Variants in ADAMTS10 observed in about 807,000 individuals in gnomAD.
ADAMTS10 encodes the protein A disintegrin and metalloproteinase with thrombospondin motifs 10.
A neutral mutation model predicts 135.9 loss-of-function variants in ADAMTS10; 48 were observed. The ratio of observed to expected loss-of-function variants is 0.35; its 90% CI spans 0.28 to 0.45. The LOEUF is 0.45. ADAMTS10 is among the 20% of genes least tolerant of loss of function. The pLI, the probability that ADAMTS10 is intolerant of heterozygous loss-of-function variation, is 1.00. For missense variants in ADAMTS10, 1,131 were observed against 1,565.2 expected (o/e 0.72, Z 4.68); for synonymous variants, 621 against 647.5 (o/e 0.96, Z 0.62).
rs2042667542 is a variant in ADAMTS10 at position 8,601,331 on chromosome 19, G to C, written c.593-186C>G. Among the ~76,000 whole-genome samples the C allele has an allele frequency of 6.6e-6, 1 of 151,940 alleles. No individual in the cohort carries two copies. The highest frequency in any genetic ancestry group is 2.4e-5 in the African/African-American group (1 of 41,348). ...TGTGTGATGGTCTGTCTGCCCAATG[G>C]GCTGCCAAACACCTCATCGTTTTTC... On this transcript the variant is annotated intron_variant, in intron 5 of 25. Transcript: ENST00000597188. The surrounding 1 kb of genome is among the most constrained non-coding windows in gnomAD (Gnocchi z 4.6).
chr19:8,600,987 T>G lies in ADAMTS10; in HGVS notation c.751A>C (p.Met251Leu). ...VETLVVADKM[M>L]VAYHGRRDVE... ...TCCCGGCGCCCGTGATAGGCCACCA[T>G]CATCTTGTCAGCCACCACCAGGGTC... The change falls in exon 6 of 26, where the codon ATG becomes CTG. Residue 251 changes from methionine to leucine, a missense_variant. Around this residue, in one of 3 missense-constraint regions of ADAMTS10, gnomAD observed 80 missense variants for 164.4 expected, o/e 0.49. Coordinates refer to ENST00000597188, the MANE Select transcript of ADAMTS10 (RefSeq NM_030957.4). 1 of 1,614,154 alleles carries G rather than the reference T, an allele frequency of 6.2e-7. No homozygotes were observed. Among genetic ancestry groups the G allele is most frequent in the Middle Eastern group, 1.6e-4 (1 of 6,062 alleles).
intron 1 of ADAMTS10, among the ~76,000 whole-genome samples, chr19:8,610,229 G>C (rs12462074): frequency 0.87 from 131,593 of 151,652 alleles, 57,483 homozygotes; most frequent in East Asian, 0.93. Flanking sequence ...ACTCATCACG[G>C]TCAGAGACAA....
At position 8,595,751 on chromosome 19, in the gene ADAMTS10, A is replaced by C. The variant is rs782144987; in HGVS notation, c.1479+11T>G. On this transcript the variant is annotated intron_variant, in intron 12 of 25. Coordinates refer to ENST00000597188, the MANE Select transcript of ADAMTS10 (RefSeq NM_030957.4). ...CCCTCCCAGGAAGGAAAGCAGGAAG[A>C]CTCTCTCTACCCCGTATTTACACTG... The C allele has an allele frequency of 6.3e-7, 1 of 1,579,244 alleles. No homozygotes were observed. Among genetic ancestry groups the C allele is most frequent in the Non-Finnish European group, 8.6e-7 (1 of 1,159,382 alleles).
At chr19:8,581,130 CTTTTT>C (rs369050914) in intron 25 of ADAMTS10, 128 bp from the exon 26 acceptor site, 1,491 of 146,890 alleles carry the variant, frequency 0.01, 19 homozygotes, top group African/African-American at 0.051. Flanking sequence ...TTTAAATTTA[CTTTTT>C]TTTTTTTTTT....
At chr19:8,607,729 A>G (rs1040898854) in intron 2 of ADAMTS10, among the ~76,000 whole-genome samples, 1 of 151,482 alleles carries the variant, frequency 6.6e-6, no homozygotes, top group Admixed American at 6.6e-5. Flanking sequence ...AGTGACGGGG[A>G]GCTCACTCAC....
intron 12 of ADAMTS10, 102 bp from the exon 13 acceptor site, chr19:8,592,972 C>T: frequency 9.1e-7 from 1 of 1,096,276 alleles, no homozygotes; most frequent in Non-Finnish European, 1.3e-6. Context: ...CTGCCGGTCC[C>T]AGAGCAGAGA....
In ADAMTS10 at chr19:8,589,504, C is replaced by G; in HGVS notation, c.1982G>C (p.Gly661Ala). 6.2e-7 allele frequency: 1 copy of G among 1,613,736 alleles called. No homozygotes were observed. Among genetic ancestry groups the G allele is most frequent in the Non-Finnish European group, 8.5e-7 (1 of 1,179,980 alleles). The change falls in exon 17 of 26, where the codon GGG (glycine) becomes GCG (alanine). Residue 661 changes from glycine to alanine, a missense_variant. This residue lies in a region of ADAMTS10 where 745 missense variants were observed against 1,056.3 expected (regional missense o/e 0.71). Transcript: ENST00000597188. ...CACCGTGTCTGGACGGCAGGGTGTC[C>G]CGTCCACCACGGCTGCCGCCCTCTC... ...YTERAAAVVD[G>A]TPCRPDTVDI...
intron 18 of ADAMTS10, 47 bp from the exon 19 acceptor site, chr19:8,586,943 C>T: frequency 1.3e-6 from 2 of 1,594,622 alleles, no homozygotes; most frequent in Non-Finnish European, 1.7e-6. Flanking sequence ...GTCCCCAACA[C>T]CTGCCTGCCT....
chr19:8,603,944 C>T, intron 4 of ADAMTS10, 60 bp from the exon 5 acceptor site: 3 of 1,501,286 alleles, frequency 2.0e-6, no homozygotes, highest in South Asian at 2.6e-5. Context: ...CTTAGGACCC[C>T]TGGGACCTTC....
intron 13 of ADAMTS10, 73 bp downstream of exon 13, chr19:8,592,690 G>A: frequency 1.4e-6 from 2 of 1,423,796 alleles, no homozygotes; most frequent in Non-Finnish European, 1.9e-6. Flanking sequence ...CGAAGGACAG[G>A]CGGGTAGGCG....
chr19:8,597,214 G>A lies in ADAMTS10; in HGVS notation c.894+20C>T. 6.2e-7 allele frequency: 1 copy of A among 1,614,144 alleles called. No individual in the cohort carries two copies. The highest frequency in any genetic ancestry group is 8.5e-7 in the Non-Finnish European group (1 of 1,180,022). ...ATGCTGGTATGAAGGGGAAGGGGAAGGGGAGGAAGTCCCCCGCACCTGGTC... is the reference window on the plus strand; with the variant it reads ...ATGCTGGTATGAAGGGGAAGGGGAAAGGGAGGAAGTCCCCCGCACCTGGTC... On this transcript the variant is annotated intron_variant, in intron 7 of 25. Transcript: ENST00000597188.
Position 8,596,366 on chromosome 19 carries a change from G to A in ADAMTS10, c.1131C>T (p.Ser377=), listed in dbSNP as rs782231294. 5 of 1,612,990 alleles carry A rather than the reference G, an allele frequency of 3.1e-6. No individual in the cohort carries two copies. The highest frequency in any genetic ancestry group is 3.4e-6 in the Non-Finnish European group (4 of 1,179,894). ...TGGCCAGGCCAATGTCCTCATTGAC[G>A]CTGCAGCTTCTCTCGCGCTCACACA... ...GGMCERERSC[S]VNEDIGLATA... is the part of the protein sequence containing the mutation. The change falls in exon 10 of 26, where the codon AGC becomes AGT. Residue 377 remains serine (S), a synonymous_variant. Transcript: ENST00000597188. The surrounding 1 kb of genome is among the most constrained non-coding windows in gnomAD (Gnocchi z 7.2).
chr19:8,590,643 A>G (rs1555738715), intron 15 of ADAMTS10, among the ~76,000 whole-genome samples: 1 of 152,150 alleles, frequency 6.6e-6, no homozygotes, highest in Non-Finnish European at 1.5e-5. Flanking sequence ...TATTTTTAGT[A>G]GAGACGGGGT....
At chr19:8,603,078 G>A (rs1568405972) in intron 5 of ADAMTS10, among the ~76,000 whole-genome samples, 1 of 152,162 alleles carries the variant, frequency 6.6e-6, no homozygotes, top group Non-Finnish European at 1.5e-5. Context: ...AACTGCTGGA[G>A]TATCTGATAC....
chr19:8,609,980 C>T (rs2042763118), intron 1 of ADAMTS10, among the ~76,000 whole-genome samples: 1 of 151,950 alleles, frequency 6.6e-6, no homozygotes, highest in Non-Finnish European at 1.5e-5. Flanking sequence ...CTCATTTACA[C>T]GCGCACACAC....
At position 8,608,650 on chromosome 19, in the gene ADAMTS10, G is replaced by C. The variant is rs1383778859; in HGVS notation, c.-214-402C>G. On this transcript the variant is annotated intron_variant, in intron 1 of 25. Coordinates refer to ENST00000597188, the MANE Select transcript of ADAMTS10 (RefSeq NM_030957.4). ...TCCTGTTCTTGCATTGCCAGGCCTG[G>C]TGCCCCATCCTCCTCCTTCAGGGGC... Among the ~76,000 whole-genome samples, 29 of 152,130 alleles carry C rather than the reference G, an allele frequency of 1.9e-4. 1 individual carries two copies. The highest frequency in any genetic ancestry group is 1.9e-3 in the Admixed American group (29 of 15,268).
intron 12 of ADAMTS10, 138 bp from the exon 13 acceptor site, chr19:8,593,008 G>T (rs1367998099): frequency 1.3e-6 from 1 of 784,198 alleles, no homozygotes; most frequent in Non-Finnish European, 2.2e-6. Flanking sequence ...CCTGGCTCGC[G>T]GTGGGTCTTC....
rs570517656 is a variant in ADAMTS10 at position 8,592,196 on chromosome 19, T to G, written c.1588-93A>C. The G allele has an allele frequency of 1.1e-5, 15 of 1,349,720 alleles. No homozygotes were observed. The Admixed American group carries it at 2.3e-4, about 21-fold the overall frequency. The allele number at this position is 1,349,720 out of a possible 1,614,324, so 83.6% of individuals were successfully genotyped here. On this transcript the variant is annotated intron_variant, in intron 13 of 25. Transcript: ENST00000597188. The stretch of plus-strand genomic sequence containing the variant: ...CCCCACTCCAGGCCCCAGCCAGAGA[T>G]ATCAGCCTCTCCGGGATGGGCAGAG...
rs145110127 is a variant in ADAMTS10 at position 8,603,470 on chromosome 19, C to T, written c.592+258G>A. On this transcript the variant is annotated intron_variant, in intron 5 of 25. Coordinates refer to ENST00000597188, the MANE Select transcript of ADAMTS10 (RefSeq NM_030957.4). ...TGTATTTTTAGTAGAGATGGGGTTT[C>T]GCCATGTTGGTCAGGCTGGTCTTGA... Among the ~76,000 whole-genome samples, 1,026 of 152,226 alleles carry T rather than the reference C, an allele frequency of 6.7e-3. 12 individuals are homozygous for T. The highest frequency in any genetic ancestry group is 0.023 in the African/African-American group (976 of 41,536).
Sources: allele counts gnomAD v4.1 joint callset (sites outside exome capture counted in the v4.1 genomes callset), GRCh38; gene constraint gnomAD v4.1.1; regional missense constraint gnomAD v4.1.1; non-coding constraint Gnocchi (gnomAD v3.1); transcripts MANE v1.5; gene names NCBI Gene and HGNC (gene_info 2026-07-23, HGNC 2026-07-21).